The following TENM3 variants were observed in gnomAD, a reference collection of about 807,000 sequenced individuals.
The protein encoded by TENM3 is teneurin transmembrane protein 3.
A neutral mutation model predicts 255.1 loss-of-function variants in TENM3; 63 were observed. That is an observed-to-expected ratio of 0.25 (90% CI 0.20 to 0.30). The LOEUF (loss-of-function observed/expected upper bound fraction) is 0.30. TENM3 is among the 10% of genes least tolerant of loss of function. TENM3 has a pLI of 1.00. For missense variants in TENM3, 2,929 were observed against 3,461.1 expected (o/e 0.85, Z 3.86); for synonymous variants, 1,306 against 1,322.3 (o/e 0.99, Z 0.27).
intron 24 of TENM3, among the ~76,000 whole-genome samples, chr4:182,782,903 G>C (rs1487152204): frequency 6.6e-6 from 1 of 151,070 alleles, no homozygotes; most frequent in Non-Finnish European, 1.5e-5. Flanking sequence ...TTTTCCATTG[G>C]CTTGGTAGAT....
At chr4:181,917,132 G>T in the TENM3 span, among the ~76,000 whole-genome samples, 21 of 152,170 alleles carry the variant, frequency 1.4e-4, no homozygotes, top group African/African-American at 4.6e-4. Context: ...CGCTCTTATG[G>T]GTGCTTGAAC....
chr4:182,707,647 T>G (rs530303972), intron 12 of TENM3: 2 of 152,352 alleles, frequency 1.3e-5, no homozygotes, highest in African/African-American at 4.8e-5. Flanking sequence ...ACATTTTCGA[T>G]GAGCCACATT....
chr4:182,570,865 C>A (rs1183251754), intron 3 of TENM3, among the ~76,000 whole-genome samples: 1 of 151,714 alleles, frequency 6.6e-6, no homozygotes, highest in Non-Finnish European at 1.5e-5. Context: ...TTAGAAAGAG[C>A]CAATGAGCAA....
At chr4:181,573,687 A>C in the TENM3 span, among the ~76,000 whole-genome samples, 1 of 152,214 alleles carries the variant, frequency 6.6e-6, no homozygotes, top group Admixed American at 6.5e-5. Flanking sequence ...TTGCTGCCAA[A>C]ATTTGAACCC....
At chr4:182,031,277 G>C in the TENM3 span, among the ~76,000 whole-genome samples, 1 of 152,122 alleles carries the variant, frequency 6.6e-6, no homozygotes, top group African/African-American at 2.4e-5. Flanking sequence ...CATATGGCTA[G>C]GCAGTTCTCT....
chr4:182,529,707 G>T (rs1739581716), intron 3 of TENM3, among the ~76,000 whole-genome samples: 1 of 152,062 alleles, frequency 6.6e-6, no homozygotes, highest in African/African-American at 2.4e-5. Context: ...CTTGACATAT[G>T]ATTTTAACAA....
At chr4:182,590,538 CAAAAAAAA>C (rs34681777) in intron 3 of TENM3, among the ~76,000 whole-genome samples, 7 of 79,962 alleles carry the variant, frequency 8.8e-5, no homozygotes, top group Non-Finnish European at 1.1e-4. Context: ...GACCCTGTCT[CAAAAAAAA>C]AAAAAAAAAA....
At chr4:182,119,632 T>A in the TENM3 span, among the ~76,000 whole-genome samples, 1 of 152,164 alleles carries the variant, frequency 6.6e-6, no homozygotes, top group Non-Finnish European at 1.5e-5. Context: ...CATTCAGTGT[T>A]TTTTTCTTGT....
chr4:182,289,489 C>G (rs139592369), intron 1 of TENM3, among the ~76,000 whole-genome samples: 1 of 152,206 alleles, frequency 6.6e-6, no homozygotes, highest in African/African-American at 2.4e-5. Context: ...CGCAGTTGTC[C>G]TGTACACATG....
chr4:181,892,479 C>A, the TENM3 span, among the ~76,000 whole-genome samples: 1 of 152,136 alleles, frequency 6.6e-6, no homozygotes, highest in Non-Finnish European at 1.5e-5. Flanking sequence ...TCTATATTAG[C>A]TTCTTTTGCA....
At chr4:181,975,331 T>C in the TENM3 span, 1 of 152,076 alleles carries the variant, frequency 6.6e-6, no homozygotes, top group Non-Finnish European at 1.5e-5. Flanking sequence ...AGAGACAGGG[T>C]TTCGCCATGT....
chr4:182,331,336 A>C (rs1477637871), intron 2 of TENM3, among the ~76,000 whole-genome samples: 1 of 152,180 alleles, frequency 6.6e-6, no homozygotes, highest in African/African-American at 2.4e-5. Context: ...ACTTGAGGCC[A>C]GGAGTGCAAG....
chr4:181,468,954 G>A, the TENM3 span, among the ~76,000 whole-genome samples: 21 of 152,010 alleles, frequency 1.4e-4, no homozygotes, highest in Non-Finnish European at 3.1e-4. Context: ...CTTCCTTTTG[G>A]TATATCAGTT....
At chr4:182,088,989 G>A in the TENM3 span, among the ~76,000 whole-genome samples, 20 of 152,114 alleles carry the variant, frequency 1.3e-4, no homozygotes, top group African/African-American at 4.3e-4. Context: ...TCATGAGGGC[G>A]GAGCTCTTAA....
chr4:182,432,303 G>A (rs1771720030), intron 3 of TENM3, among the ~76,000 whole-genome samples: 1 of 152,046 alleles, frequency 6.6e-6, no homozygotes. Flanking sequence ...TATTTTGTTG[G>A]ACATCAACCT....
the TENM3 span, among the ~76,000 whole-genome samples, chr4:181,865,833 T>C: frequency 1.3e-5 from 2 of 152,092 alleles, no homozygotes; most frequent in Admixed American, 6.6e-5. Flanking sequence ...CAAATATATA[T>C]TTAAGGAGAC....
At chr4:181,776,795 C>G in the TENM3 span, among the ~76,000 whole-genome samples, 1 of 151,762 alleles carries the variant, frequency 6.6e-6, no homozygotes, top group Non-Finnish European at 1.5e-5. Flanking sequence ...TTTCTTTCTG[C>G]TGTTGAGTTT....
At chr4:182,150,435 A>G (rs1750262278) in intron 1 of TENM3, among the ~76,000 whole-genome samples, 1 of 152,070 alleles carries the variant, frequency 6.6e-6, no homozygotes, top group African/African-American at 2.4e-5. Context: ...ACTTTTAAAT[A>G]TATGTATTTT....
At chr4:182,230,402 C>T (rs751952050) in intron 1 of TENM3, among the ~76,000 whole-genome samples, 18 of 152,112 alleles carry the variant, frequency 1.2e-4, no homozygotes, top group Non-Finnish European at 1.9e-4. Flanking sequence ...AGGATGGGGA[C>T]GTGACGTTTC....
Sources: gnomAD v4.1 joint callset for allele counts (sites outside exome capture counted in the v4.1 genomes callset) on GRCh38, gnomAD v4.1.1 for gene constraint, MANE v1.5 for transcripts, NCBI Gene and HGNC (gene_info 2026-07-23, HGNC 2026-07-21) for gene names.